Variants in ANKS1B observed in about 807,000 individuals in gnomAD.
ANKS1B encodes ankyrin repeat and sterile alpha motif domain-containing protein 1B.
In ANKS1B, 36 loss-of-function variants were observed where a neutral mutation model predicts 148.3. The observed-to-expected ratio is 0.24, with a 90% CI of 0.19 to 0.32. The LOEUF (loss-of-function observed/expected upper bound fraction) is 0.32, where lower values mean the gene tolerates loss of function less well. Ranked by LOEUF, ANKS1B falls within the 10% of genes least tolerant of loss-of-function variation. The probability of loss-of-function intolerance (pLI) is 1.00; values close to 1 mark genes in which losing one functional copy is unlikely to be tolerated. For missense variants in ANKS1B, 1,157 were observed against 1,542.6 expected, an observed-to-expected ratio of 0.75 and a Z score of 4.19; for synonymous variants, 542 against 560.8, an observed-to-expected ratio of 0.97 and a Z score of 0.47.
chr12:99,899,193 C>T (rs2093497311), intron 1 of ANKS1B, among the ~76,000 whole-genome samples: 1 of 152,106 alleles, frequency 6.6e-6, no homozygotes, highest in Admixed American at 6.5e-5. Context: ...TAAGCTGAAG[C>T]AACTAAGAAT....
intron 12 of ANKS1B, among the ~76,000 whole-genome samples, chr12:99,274,251 G>A (rs2077409745): frequency 6.6e-6 from 1 of 152,074 alleles, no homozygotes; most frequent in South Asian, 2.1e-4. Flanking sequence ...TTTGACATCT[G>A]GAGAGACTAA....
intron 9 of ANKS1B, among the ~76,000 whole-genome samples, chr12:99,511,757 C>G (rs2096768430): frequency 6.6e-6 from 1 of 151,912 alleles, no homozygotes; most frequent in African/African-American, 2.4e-5. Flanking sequence ...GAAATAATAT[C>G]ACACATCTAC....
intron 24 of ANKS1B, among the ~76,000 whole-genome samples, chr12:98,778,519 T>C (rs1461750339): frequency 6.6e-6 from 1 of 152,172 alleles, no homozygotes; most frequent in Admixed American, 6.5e-5. Context: ...GTGGGGGAAA[T>C]CCCTGGTGAA....
chr12:99,717,946 C>T (rs1418754554), intron 8 of ANKS1B, among the ~76,000 whole-genome samples: 14 of 147,890 alleles, frequency 9.5e-5, no homozygotes, highest in Non-Finnish European at 8.9e-5. Context: ...CTCTGTCGCC[C>T]AGGCTGGAGT....
At chr12:99,358,328 G>A (rs1340792290) in intron 12 of ANKS1B, among the ~76,000 whole-genome samples, 1 of 151,940 alleles carries the variant, frequency 6.6e-6, no homozygotes, top group Non-Finnish European at 1.5e-5. Flanking sequence ...TTAATCCATT[G>A]AAATTTATTT....
chr12:99,559,949 A>G (rs529375879), intron 9 of ANKS1B, among the ~76,000 whole-genome samples: 1 of 152,216 alleles, frequency 6.6e-6, no homozygotes, highest in Admixed American at 6.5e-5. Context: ...AAGACCTAAA[A>G]TAATTGTAGA....
intron 1 of ANKS1B, among the ~76,000 whole-genome samples, chr12:99,834,281 A>T (rs545897393): frequency 1.3e-5 from 2 of 152,220 alleles, no homozygotes; most frequent in African/African-American, 4.8e-5. Context: ...GAAAAAGTAT[A>T]AAATGCTTAT....
At chr12:99,616,912 A>G (rs1331908097) in intron 9 of ANKS1B, among the ~76,000 whole-genome samples, 2 of 152,228 alleles carry the variant, frequency 1.3e-5, no homozygotes, top group African/African-American at 4.8e-5. Context: ...GCTAATATCC[A>G]GAATCTACAA....
chr12:99,523,714 G>A (rs577443373), intron 9 of ANKS1B, among the ~76,000 whole-genome samples: 14 of 151,484 alleles, frequency 9.2e-5, no homozygotes, highest in Non-Finnish European at 1.3e-4. Flanking sequence ...CACCACGCCC[G>A]GCTAATTTTT....
intron 17 of ANKS1B, among the ~76,000 whole-genome samples, chr12:98,963,632 C>G (rs2153159005): frequency 6.6e-6 from 1 of 152,102 alleles, no homozygotes; most frequent in South Asian, 2.1e-4. Context: ...CACAGGCAAC[C>G]AAAGCAAAAA....
intron 16 of ANKS1B, among the ~76,000 whole-genome samples, chr12:99,060,629 T>TAC (rs1458751748): frequency 6.7e-6 from 1 of 150,284 alleles, no homozygotes; most frequent in Admixed American, 6.7e-5. Context: ...TATATATATA[T>TAC]ACACACATAT....
intron 12 of ANKS1B, among the ~76,000 whole-genome samples, chr12:99,300,201 C>T (rs2081414763): frequency 6.6e-6 from 1 of 151,854 alleles, no homozygotes; most frequent in Non-Finnish European, 1.5e-5. Flanking sequence ...TATTAAAATC[C>T]CCAACGAATT....
At chr12:99,586,833 T>C (rs1439389167) in intron 9 of ANKS1B, among the ~76,000 whole-genome samples, 2 of 152,016 alleles carry the variant, frequency 1.3e-5, no homozygotes, top group African/African-American at 2.4e-5. Flanking sequence ...AACCATCAGA[T>C]CTCCTGAGAC....
chr12:99,679,491 G>A (rs371690205), intron 8 of ANKS1B, among the ~76,000 whole-genome samples: 6 of 151,664 alleles, frequency 4.0e-5, no homozygotes, highest in Admixed American at 3.3e-4. Flanking sequence ...TTTATTTTTT[G>A]TAGAAATAGG....
intron 14 of ANKS1B, among the ~76,000 whole-genome samples, chr12:99,229,418 G>A (rs1212006176): frequency 6.6e-6 from 1 of 151,632 alleles, no homozygotes; most frequent in African/African-American, 2.4e-5. Context: ...TTTTGCTCCT[G>A]TTCAATTGCT....
At chr12:99,610,966 C>G (rs2097896891) in intron 9 of ANKS1B, among the ~76,000 whole-genome samples, 1 of 151,960 alleles carries the variant, frequency 6.6e-6, no homozygotes, top group Non-Finnish European at 1.5e-5. Flanking sequence ...AAGGTTCTTC[C>G]AAAAACACTG....
chr12:99,910,942 A>T (rs1388677691), intron 1 of ANKS1B, among the ~76,000 whole-genome samples: 4 of 152,218 alleles, frequency 2.6e-5, no homozygotes, highest in African/African-American at 9.6e-5. Flanking sequence ...TTTAGTTCAT[A>T]CTATGTGCCA....
intron 17 of ANKS1B, among the ~76,000 whole-genome samples, chr12:98,978,998 C>T (rs1170615258): frequency 6.6e-6 from 1 of 151,618 alleles, no homozygotes; most frequent in Non-Finnish European, 1.5e-5. Context: ...AAAAATTAGC[C>T]AGGCGTGGTG....
At position 98,896,240 on chromosome 12, in the gene ANKS1B, G is replaced by T. The variant is rs192049560; in HGVS notation, c.2779-64104C>A. 3.9e-5 allele frequency among the ~76,000 whole-genome samples: 6 copies of T among 152,278 alleles called. No homozygotes were observed. In the East Asian group the frequency reaches 1.2e-3, roughly 29 times the overall value. On this transcript the variant is annotated intron_variant, in intron 17 of 26. Transcript: ENST00000683438. The stretch of plus-strand genomic sequence containing the variant: ...TTCACTTGCTAAACTTTAAGGCTAG[G>T]CATTTACTGCCTTGAAAGCAAAGCA...
Sources: allele counts gnomAD v4.1 joint callset (sites outside exome capture counted in the v4.1 genomes callset), GRCh38; gene constraint gnomAD v4.1.1; transcripts MANE v1.5; gene names NCBI Gene and HGNC (gene_info 2026-07-23, HGNC 2026-07-21).